The following CHMP4C variants were observed in gnomAD, a reference collection of about 807,000 sequenced individuals.
The protein encoded by CHMP4C is SNF7 homolog associated with Alix 3.
Under a neutral mutation model 29.0 loss-of-function variants are expected in CHMP4C, and 28 were observed. The observed-to-expected ratio is 0.97, with a 90% CI of 0.72 to 1.32. CHMP4C has a LOEUF of 1.32. CHMP4C is among the 40% of genes most tolerant of loss of function. The pLI, the probability that CHMP4C is intolerant of heterozygous loss-of-function variation, is 0.00. For synonymous variants in CHMP4C, 106 were observed against 102.4 expected, an observed-to-expected ratio of 1.04 and a Z score of -0.21; for missense variants, 291 against 281.0, an observed-to-expected ratio of 1.04 and a Z score of -0.25.
chr8:81,748,844 T>C (rs992935824), intron 1 of CHMP4C, among the ~76,000 whole-genome samples: 3 of 151,434 alleles, frequency 2.0e-5, no homozygotes, highest in African/African-American at 7.3e-5. Context: ...GGAGAATTGC[T>C]TGAACCAGGG....
At chr8:81,757,685 C>A (rs547936607) in intron 3 of CHMP4C, among the ~76,000 whole-genome samples, 1 of 152,244 alleles carries the variant, frequency 6.6e-6, no homozygotes, top group East Asian at 1.9e-4. Flanking sequence ...ATAAAAGAAC[C>A]ATAGTATCTT....
chr8:81,739,097 CTTT>C (rs68130793), intron 1 of CHMP4C, among the ~76,000 whole-genome samples: 18 of 100,722 alleles, frequency 1.8e-4, no homozygotes, highest in Admixed American at 5.9e-4. Flanking sequence ...TTTCTTTTCC[CTTT>C]TTTTTTTTTT....
intron 1 of CHMP4C, among the ~76,000 whole-genome samples, chr8:81,751,267 T>C (rs1808899742): frequency 6.7e-6 from 1 of 150,140 alleles, no homozygotes; most frequent in Non-Finnish European, 1.5e-5. Flanking sequence ...GTAAGAAATT[T>C]ATAAATGATT....
intron 1 of CHMP4C, among the ~76,000 whole-genome samples, chr8:81,750,657 T>C (rs894944771): frequency 2.6e-5 from 4 of 151,932 alleles, no homozygotes. Flanking sequence ...CATCTTATAT[T>C]ATAGGCATTT....
At chr8:81,735,448 T>C (rs900393995) in intron 1 of CHMP4C, among the ~76,000 whole-genome samples, 1 of 152,208 alleles carries the variant, frequency 6.6e-6, no homozygotes, top group African/African-American at 2.4e-5. Flanking sequence ...GTTAACTGTC[T>C]TCTATTAGCC....
intron 1 of CHMP4C, among the ~76,000 whole-genome samples, chr8:81,747,370 G>A (rs1428834401): frequency 6.6e-6 from 1 of 151,832 alleles, no homozygotes; most frequent in East Asian, 1.9e-4. Flanking sequence ...TAAAGCCTTA[G>A]GGTCAATGGG....
intron 1 of CHMP4C, among the ~76,000 whole-genome samples, chr8:81,737,438 A>C (rs995127061): frequency 1.3e-5 from 2 of 152,222 alleles, no homozygotes; most frequent in Admixed American, 6.5e-5. Flanking sequence ...TCAATATCTC[A>C]GCACACTGCA....
intron 3 of CHMP4C, among the ~76,000 whole-genome samples, chr8:81,756,866 T>C (rs1381177747): frequency 2.0e-5 from 3 of 152,184 alleles, no homozygotes; most frequent in African/African-American, 7.2e-5. Context: ...CGCCAGGGTA[T>C]TCATTCTGTT....
intron 1 of CHMP4C, among the ~76,000 whole-genome samples, chr8:81,744,425 G>A (rs1808798741): frequency 6.6e-6 from 1 of 152,114 alleles, no homozygotes; most frequent in African/African-American, 2.4e-5. Flanking sequence ...GACAGTCACT[G>A]GGGACTTTAT....
At chr8:81,753,031 T>C (rs759754455) in intron 1 of CHMP4C, 33 bp from the exon 2 acceptor site, 38 of 1,560,396 alleles carry the variant, frequency 2.4e-5, no homozygotes, top group Non-Finnish European at 3.1e-5. Context: ...TCTCTTTCTC[T>C]TTCCTAATAA....
At position 81,758,636 on chromosome 8, in the gene CHMP4C, C is replaced by T. The variant is rs771278088; in HGVS notation, c.*92C>T. ...AGTTCAGAAGTTAACAAAGACTCTGCTTTATAATTATATTGAATGAATAAT... is the reference window on the plus strand; with the variant it reads ...AGTTCAGAAGTTAACAAAGACTCTGTTTTATAATTATATTGAATGAATAAT... On this transcript the variant is annotated 3_prime_UTR_variant, in exon 5 of 5. Coordinates refer to ENST00000297265, the MANE Select transcript of CHMP4C (RefSeq NM_152284.4). 2 of 841,898 alleles carry T rather than the reference C, an allele frequency of 2.4e-6. No homozygotes were observed. The highest frequency in any genetic ancestry group is 2.2e-5 in the Admixed American group (1 of 44,804). The allele number at this position is 841,898 out of a possible 1,614,324, so 52.2% of individuals were successfully genotyped here. A position where few individuals can be genotyped will look rare whatever the true frequency, so the allele number is the denominator to read the frequency against.
intron 1 of CHMP4C, among the ~76,000 whole-genome samples, chr8:81,746,870 A>G (rs1441444740): frequency 6.6e-6 from 1 of 152,248 alleles, no homozygotes; most frequent in East Asian, 1.9e-4. Context: ...CTGACAACCT[A>G]CAAAGGAAAT....
chr8:81,757,569 C>G (rs1017690659), intron 3 of CHMP4C, among the ~76,000 whole-genome samples: 12 of 152,178 alleles, frequency 7.9e-5, no homozygotes, highest in African/African-American at 2.9e-4. Flanking sequence ...TTAAACCAGG[C>G]TCTCTCGGAC....
At position 81,755,437 on chromosome 8, in the gene CHMP4C, T is replaced by C. The variant is rs758957840; in HGVS notation, c.436T>C (p.Ser146Pro). 6.2e-7 allele frequency: 1 copy of C among 1,612,582 alleles called. No homozygotes were observed. Among genetic ancestry groups the C allele is most frequent in the African/African-American group, 1.3e-5 (1 of 74,976 alleles). Residue 146 changes from serine (S) to proline (P), a missense_variant, in exon 3 of 5, where the codon TCA (serine) becomes CCA (proline). Coordinates refer to ENST00000297265, the MANE Select transcript of CHMP4C (RefSeq NM_152284.4). ...GCAACAGGATATCGCCCAAGAAATCTCAGAAGCATTTTCTCAACGGGTTGG... is the reference window on the plus strand; with the variant it reads ...GCAACAGGATATCGCCCAAGAAATCCCAGAAGCATTTTCTCAACGGGTTGG... ...TEQQDIAQEI[S>P]EAFSQRVGFG...
At position 81,758,859 on chromosome 8, in the gene CHMP4C, G is replaced by A; in HGVS notation, c.*315G>A. On this transcript the variant is annotated 3_prime_UTR_variant, in exon 5 of 5. Transcript: ENST00000297265. Reference sequence around the variant, plus strand: ...GTACTAAAAATACAAAAATTAGCCGGACATGGTGGCAGGCACCTGTAATCC... The same window carrying A: ...GTACTAAAAATACAAAAATTAGCCGAACATGGTGGCAGGCACCTGTAATCC... 1 of 209,446 alleles carries A rather than the reference G, an allele frequency of 4.8e-6. No homozygotes were observed. Among genetic ancestry groups the A allele is most frequent in the Non-Finnish European group, 9.5e-6 (1 of 104,846 alleles). 13.0% of individuals were successfully genotyped at this position (209,446 alleles called of 1,614,324 possible).
chr8:81,736,732 T>C (rs1808696599), intron 1 of CHMP4C, among the ~76,000 whole-genome samples: 1 of 152,194 alleles, frequency 6.6e-6, no homozygotes, highest in African/African-American at 2.4e-5. Flanking sequence ...CAGGGTGAAT[T>C]GGAGCACCTC....
chr8:81,757,527 C>T (rs1363276311), intron 3 of CHMP4C, among the ~76,000 whole-genome samples: 1 of 152,142 alleles, frequency 6.6e-6, no homozygotes, highest in East Asian at 1.9e-4. Flanking sequence ...CCTTGTCTCT[C>T]AAAAGTTTTT....
Position 81,758,565 on chromosome 8 carries a change from C to T in CHMP4C, c.*21C>T, listed in dbSNP as rs748158650. 2.7e-6 allele frequency: 4 copies of T among 1,503,696 alleles called. No individual in the cohort carries two copies. The highest frequency in any genetic ancestry group is 1.7e-5 in the Admixed American group (1 of 59,700). The allele number at this position is 1,503,696 out of a possible 1,614,324, so 93.1% of individuals were successfully genotyped here. On this transcript the variant is annotated 3_prime_UTR_variant, in exon 5 of 5. Coordinates refer to ENST00000297265, the MANE Select transcript of CHMP4C (RefSeq NM_152284.4). ...CCTAAACTAAAACACATTTTTGATA[C>T]CTAAATTAATGAGCTATAGATAAAA...
chr8:81,737,406 C>G (rs946343403), intron 1 of CHMP4C, among the ~76,000 whole-genome samples: 3 of 152,152 alleles, frequency 2.0e-5, no homozygotes, highest in Non-Finnish European at 4.4e-5. Context: ...CCAGTGCTTC[C>G]GGCCTTGGGA....
Sources: gnomAD v4.1 joint callset for allele counts (sites outside exome capture counted in the v4.1 genomes callset) on GRCh38, gnomAD v4.1.1 for gene constraint, MANE v1.5 for transcripts, NCBI Gene and HGNC (gene_info 2026-07-23, HGNC 2026-07-21) for gene names.